Variants in AUTS2 observed in about 807,000 individuals in gnomAD.
The protein encoded by AUTS2 is activator of transcription and developmental regulator AUTS2.
A neutral mutation model predicts 112.4 loss-of-function variants in AUTS2; 17 were observed. The ratio of observed to expected loss-of-function variants is 0.15; its 90% CI spans 0.10 to 0.23. The LOEUF (loss-of-function observed/expected upper bound fraction) is 0.23. Among genes scored for constraint, AUTS2 ranks in the 10% least tolerant of loss-of-function variants. The pLI, the probability that AUTS2 is intolerant of heterozygous loss-of-function variation, is 1.00. For synonymous variants in AUTS2, 751 were observed against 702.7 expected (o/e 1.07, Z -1.09); for missense variants, 1,510 against 1,701.6 (o/e 0.89, Z 1.98).
chr7:70,043,595 TCC>T (rs1563060817), intron 2 of AUTS2, among the ~76,000 whole-genome samples: 28 of 96,806 alleles, frequency 2.9e-4, no homozygotes, highest in African/African-American at 6.5e-4. Context: ...CTTCCTTCCT[TCC>T]TTCCTTCCTT....
At chr7:69,733,401 G>A (rs1022663686) in intron 1 of AUTS2, among the ~76,000 whole-genome samples, 1 of 152,140 alleles carries the variant, frequency 6.6e-6, no homozygotes, top group Non-Finnish European at 1.5e-5. Context: ...ATTACATGAA[G>A]TCTGAAAAAG....
intron 2 of AUTS2, among the ~76,000 whole-genome samples, chr7:69,982,959 A>G (rs1270943437): frequency 6.6e-6 from 1 of 152,216 alleles, no homozygotes; most frequent in African/African-American, 2.4e-5. Context: ...GTTCAATCCC[A>G]TCAATCTGCA....
At chr7:70,708,464 A>G (rs73165361) in intron 6 of AUTS2, among the ~76,000 whole-genome samples, 9,578 of 152,274 alleles carry the variant, frequency 0.063, 347 homozygotes, top group Non-Finnish European at 0.089. Flanking sequence ...AGCCCCAACC[A>G]TGGAACAGGA....
intron 4 of AUTS2, among the ~76,000 whole-genome samples, chr7:70,253,317 G>GT (rs1257630133): frequency 6.6e-6 from 1 of 152,132 alleles, no homozygotes; most frequent in Non-Finnish European, 1.5e-5. Context: ...AACTCTGTTA[G>GT]TACATACTAG....
intron 1 of AUTS2, among the ~76,000 whole-genome samples, chr7:69,773,935 A>G (rs1788783631): frequency 6.6e-6 from 1 of 152,232 alleles, no homozygotes; most frequent in Admixed American, 6.5e-5. Context: ...TCAGTGCCTC[A>G]TATTCAGTGG....
intron 2 of AUTS2, among the ~76,000 whole-genome samples, chr7:69,930,999 A>G (rs1251484916): frequency 6.6e-6 from 1 of 152,154 alleles, no homozygotes; most frequent in Non-Finnish European, 1.5e-5. Context: ...ATGTTGATAG[A>G]GCAGAATTAT....
At chr7:70,333,364 G>A (rs556659424) in intron 4 of AUTS2, among the ~76,000 whole-genome samples, 3 of 152,298 alleles carry the variant, frequency 2.0e-5, no homozygotes, top group Admixed American at 6.5e-5. Flanking sequence ...TGGTGGGAGT[G>A]TAACTTAGTT....
At chr7:70,780,406 T>A (rs558499580) in intron 14 of AUTS2, among the ~76,000 whole-genome samples, 1 of 149,182 alleles carries the variant, frequency 6.7e-6, no homozygotes, top group South Asian at 2.2e-4. Context: ...TGATAAGGAC[T>A]TCACACAAGA....
At chr7:70,157,761 A>T (rs958642498) in intron 4 of AUTS2, among the ~76,000 whole-genome samples, 1 of 152,180 alleles carries the variant, frequency 6.6e-6, no homozygotes, top group African/African-American at 2.4e-5. Context: ...GAAGGGTTTT[A>T]TAGTTGCTGT....
chr7:69,903,077 A>G (rs1795028789), intron 2 of AUTS2, among the ~76,000 whole-genome samples: 2 of 152,196 alleles, frequency 1.3e-5, no homozygotes, highest in South Asian at 4.1e-4. Flanking sequence ...CTTAGACATG[A>G]TATAAAAAAA....
chr7:69,793,193 C>T (rs1789695032), intron 1 of AUTS2, among the ~76,000 whole-genome samples: 1 of 152,182 alleles, frequency 6.6e-6, no homozygotes, highest in Admixed American at 6.5e-5. Flanking sequence ...AGGTGGCCTG[C>T]CTCCAGCAGT....
chr7:70,036,246 A>G (rs1800996995), intron 2 of AUTS2, among the ~76,000 whole-genome samples: 2 of 152,240 alleles, frequency 1.3e-5, no homozygotes, highest in African/African-American at 4.8e-5. Context: ...CTGGAAATGC[A>G]TGCCAAGTTT....
At chr7:70,697,025 C>G (rs1809152043) in intron 5 of AUTS2, among the ~76,000 whole-genome samples, 1 of 152,182 alleles carries the variant, frequency 6.6e-6, no homozygotes, top group African/African-American at 2.4e-5. Context: ...GGGAAACTCA[C>G]AGTCCTAGAA....
chr7:70,413,389 A>G (rs1410803161), intron 4 of AUTS2, among the ~76,000 whole-genome samples: 2 of 152,144 alleles, frequency 1.3e-5, no homozygotes, highest in African/African-American at 2.4e-5. Flanking sequence ...GGTCTGAGCA[A>G]TCCAGCCTGT....
intron 1 of AUTS2, among the ~76,000 whole-genome samples, chr7:69,611,966 T>C (rs1232277963): frequency 5.5e-5 from 8 of 145,120 alleles, no homozygotes; most frequent in Non-Finnish European, 9.1e-5. Flanking sequence ...AATTGTAAAT[T>C]ATTTTGGCAA....
chr7:70,629,080 A>G (rs1196393292), intron 5 of AUTS2, among the ~76,000 whole-genome samples: 1 of 152,126 alleles, frequency 6.6e-6, no homozygotes, highest in East Asian at 1.9e-4. Flanking sequence ...ACAGATGCCA[A>G]CCGTCTGCAG....
chr7:70,505,816 C>G (rs1016954881), intron 5 of AUTS2, among the ~76,000 whole-genome samples: 1 of 152,216 alleles, frequency 6.6e-6, no homozygotes, highest in Non-Finnish European at 1.5e-5. Context: ...TCTCTGCCAA[C>G]TTGTCCCCAA....
chr7:69,997,547 A>C (rs1407096394), intron 2 of AUTS2, among the ~76,000 whole-genome samples: 1 of 152,208 alleles, frequency 6.6e-6, no homozygotes, highest in Non-Finnish European at 1.5e-5. Context: ...TCTGCATGCT[A>C]TACAAGCATA....
chr7:70,068,273 G>A (rs1358245191), intron 2 of AUTS2, among the ~76,000 whole-genome samples: 1 of 151,354 alleles, frequency 6.6e-6, no homozygotes, highest in Non-Finnish European at 1.5e-5. Context: ...CCCATCCCAG[G>A]TTCACACCAT....
Sources: allele counts gnomAD v4.1 joint callset (sites outside exome capture counted in the v4.1 genomes callset), GRCh38; gene constraint gnomAD v4.1.1; transcripts MANE v1.5; gene names NCBI Gene and HGNC (gene_info 2026-07-23, HGNC 2026-07-21).